SLC8A1: variants seen among roughly 807,000 people sequenced by gnomAD.
The protein encoded by SLC8A1 is sodium/calcium exchanger 1.
A neutral mutation model predicts 68.3 loss-of-function variants in SLC8A1; 18 were observed. The ratio of observed to expected loss-of-function variants is 0.26; its 90% CI spans 0.18 to 0.39. The LOEUF (loss-of-function observed/expected upper bound fraction) is 0.39. Ranked by LOEUF, SLC8A1 falls within the 10% of genes least tolerant of loss-of-function variation. SLC8A1 has a pLI of 1.00. For missense variants in SLC8A1, 985 were observed against 1,156.7 expected (o/e 0.85, Z 2.15); for synonymous variants, 475 against 415.5 (o/e 1.14, Z -1.74).
intron 7 of SLC8A1, among the ~76,000 whole-genome samples, chr2:40,138,281 C>T (rs919694074): frequency 2.0e-5 from 3 of 152,144 alleles, no homozygotes; most frequent in Non-Finnish European, 4.4e-5. Context: ...TAGTTGTTTT[C>T]AGACTCAAAC....
intron 2 of SLC8A1, among the ~76,000 whole-genome samples, chr2:40,362,859 T>C (rs1675001487): frequency 6.6e-6 from 1 of 152,192 alleles, no homozygotes; most frequent in East Asian, 1.9e-4. Context: ...CTTGTACTTC[T>C]GTGGATTTCT....
At chr2:40,316,623 C>A (rs1390591565) in intron 2 of SLC8A1, among the ~76,000 whole-genome samples, 1 of 151,944 alleles carries the variant, frequency 6.6e-6, no homozygotes, top group African/African-American at 2.4e-5. Context: ...GGGTCTACTG[C>A]CCTCCTGCAG....
At chr2:40,470,962 C>G (rs1411527411) in intron 1 of SLC8A1, among the ~76,000 whole-genome samples, 2 of 152,150 alleles carry the variant, frequency 1.3e-5, no homozygotes, top group Non-Finnish European at 2.9e-5. Context: ...TCTCATGGTA[C>G]AGATTACAAA....
chr2:40,240,939 C>A (rs910252141), intron 2 of SLC8A1, among the ~76,000 whole-genome samples: 1 of 152,136 alleles, frequency 6.6e-6, no homozygotes, highest in East Asian at 1.9e-4. Flanking sequence ...AAATTTCTTC[C>A]GTGATTTTTA....
chr2:40,298,170 C>T (rs938760529), intron 2 of SLC8A1, among the ~76,000 whole-genome samples: 31 of 152,150 alleles, frequency 2.0e-4, no homozygotes, highest in African/African-American at 7.0e-4. Flanking sequence ...GTGTGAGCCA[C>T]CATGCCTGGT....
chr2:40,205,418 G>A (rs1274988954), intron 2 of SLC8A1, among the ~76,000 whole-genome samples: 11 of 151,960 alleles, frequency 7.2e-5, no homozygotes, highest in Admixed American at 1.3e-4. Flanking sequence ...GTCTTCTCTC[G>A]TTCTTTTTTA....
At chr2:40,122,319 T>G (rs2037090759) in intron 7 of SLC8A1, among the ~76,000 whole-genome samples, 2 of 152,032 alleles carry the variant, frequency 1.3e-5, no homozygotes, top group Middle Eastern at 3.4e-3. Context: ...GTAACAGAAT[T>G]GCTGATGTTT....
chr2:40,282,142 CT>C (rs999275993), intron 2 of SLC8A1, among the ~76,000 whole-genome samples: 6 of 151,532 alleles, frequency 4.0e-5, no homozygotes, highest in East Asian at 1.9e-4. Context: ...CTTTTTCTGA[CT>C]TTTTTTTTCT....
rs975882014 is a variant in SLC8A1, at chr2:40,414,545, A to G, written c.1808+13928T>C. ...TGCATGATTTATTATTCCTTGTGCT[A>G]AATTCTTCAATGTTCTTGCCTTGAT... On this transcript the variant is annotated intron_variant, in intron 2 of 7. Coordinates refer to ENST00000406785, the Ensembl canonical transcript of SLC8A1. Among the ~76,000 whole-genome samples, 2 of 152,310 alleles carry G rather than the reference A, an allele frequency of 1.3e-5. 1 individual carries two copies. Among genetic ancestry groups the G allele is most frequent in the Admixed American group, 1.3e-4 (2 of 15,282 alleles).
At chr2:40,225,664 CTA>C (rs1322115681) in intron 2 of SLC8A1, among the ~76,000 whole-genome samples, 1 of 152,122 alleles carries the variant, frequency 6.6e-6, no homozygotes, top group African/African-American at 2.4e-5. Context: ...CCGCGCTTGC[CTA>C]TGTCTGTTAA....
intron 2 of SLC8A1, among the ~76,000 whole-genome samples, chr2:40,404,042 G>C (rs1689582908): frequency 6.6e-6 from 1 of 152,092 alleles, no homozygotes; most frequent in African/African-American, 2.4e-5. Context: ...AGACTATCAA[G>C]ATAAAGCAAA....
At chr2:40,293,331 A>G (rs1456884453) in intron 2 of SLC8A1, among the ~76,000 whole-genome samples, 1 of 152,214 alleles carries the variant, frequency 6.6e-6, no homozygotes, top group Non-Finnish European at 1.5e-5. Flanking sequence ...CATATTAAAG[A>G]ATTTTAAAAA....
chr2:40,411,764 A>C (rs181148249), intron 2 of SLC8A1, among the ~76,000 whole-genome samples: 7 of 152,094 alleles, frequency 4.6e-5, no homozygotes, highest in African/African-American at 1.7e-4. Flanking sequence ...TAAAACAAAG[A>C]TTATACCTGT....
chr2:40,346,363 G>A (rs571140812), intron 2 of SLC8A1, among the ~76,000 whole-genome samples: 5 of 152,242 alleles, frequency 3.3e-5, no homozygotes, highest in East Asian at 1.9e-4. Flanking sequence ...TACTCAAAGC[G>A]GACTGGCATC....
At chr2:40,432,917 G>A (rs13035085) in intron 1 of SLC8A1, among the ~76,000 whole-genome samples, 7,633 of 152,132 alleles carry the variant, frequency 0.05, 359 homozygotes, top group East Asian at 0.25. Flanking sequence ...ATACAAAATG[G>A]TACAGAAGAT....
At chr2:40,403,326 T>A (rs1251293885) in intron 2 of SLC8A1, among the ~76,000 whole-genome samples, 1 of 152,232 alleles carries the variant, frequency 6.6e-6, no homozygotes, top group Non-Finnish European at 1.5e-5. Flanking sequence ...GGAAATGCTC[T>A]CGTTTCATGG....
At chr2:40,495,317 G>C (rs1056449205) in intron 1 of SLC8A1, among the ~76,000 whole-genome samples, 1 of 151,804 alleles carries the variant, frequency 6.6e-6, no homozygotes, top group African/African-American at 2.4e-5. Flanking sequence ...ACTAATTATT[G>C]TTGTTATTAA....
Position 40,270,028 on chromosome 2 carries a change from G to A in SLC8A1, c.1809-92173C>T, listed in dbSNP as rs141598854. On this transcript the variant is annotated intron_variant, in intron 2 of 7. Coordinates refer to ENST00000406785, the Ensembl canonical transcript of SLC8A1. ...ATAATCAAAATCCCTAGTCTAGAGT[G>A]GGCAACTGTACAAAATTCTTACAAT... 1.2e-4 allele frequency among the ~76,000 whole-genome samples: 19 copies of A among 152,188 alleles called. No individual in the cohort carries two copies. The East Asian group carries it at 3.7e-3, about 30-fold the overall frequency.
exon 6 of SLC8A1, chr2:40,160,831 G>A (rs2045547927): frequency 1.2e-6 from 2 of 1,613,138 alleles, no homozygotes; most frequent in Non-Finnish European, 1.7e-6. Context: ...ACAAGGGCCA[G>A]GTTTGTCTTC....
Sources: allele counts gnomAD v4.1 joint callset (sites outside exome capture counted in the v4.1 genomes callset), GRCh38; gene constraint gnomAD v4.1.1; transcripts MANE v1.5; gene names NCBI Gene and HGNC (gene_info 2026-07-23, HGNC 2026-07-21).